FAM178B: variants seen among roughly 807,000 people sequenced by gnomAD.
FAM178B encodes the protein protein FAM178B.
Under a neutral mutation model 91.7 loss-of-function variants are expected in FAM178B, and 82 were observed. The ratio of observed to expected loss-of-function variants is 0.89; its 90% confidence interval spans 0.75 to 1.07. The LOEUF (loss-of-function observed/expected upper bound fraction) is 1.07. Ranked by LOEUF, FAM178B falls within the 50% of genes least tolerant of loss-of-function variation. The pLI is 0.00. For missense variants in FAM178B, 769 were observed against 846.7 expected, an observed-to-expected ratio of 0.91 and a Z score of 1.14; for synonymous variants, 368 against 359.4, an observed-to-expected ratio of 1.02 and a Z score of -0.27.
At chr2:96,926,341 T>C (rs1253193205) in intron 9 of FAM178B, among the ~76,000 whole-genome samples, 1 of 151,966 alleles carries the variant, frequency 6.6e-6, no homozygotes, top group Non-Finnish European at 1.5e-5. Context: ...CCAAGGCTTC[T>C]GGCACCAGGA....
At chr2:96,943,964 T>C (rs1389886390) in intron 8 of FAM178B, among the ~76,000 whole-genome samples, 1 of 152,054 alleles carries the variant, frequency 6.6e-6, no homozygotes. Context: ...ATATCCCAGC[T>C]GGGCGCGGTG....
chr2:96,902,839 C>A, intron 12 of FAM178B, 132 bp from the exon 13 acceptor site: 1 of 651,238 alleles, frequency 1.5e-6, no homozygotes, highest in Non-Finnish European at 2.9e-6. Context: ...AAAGGGCTTT[C>A]TCCATTGGCT....
rs150938649 is a variant in FAM178B, at chr2:96,891,021, T to C, written c.1776+2905A>G. 3.3e-5 allele frequency among the ~76,000 whole-genome samples: 5 copies of C among 152,348 alleles called. No individual in the cohort carries two copies. The East Asian group carries it at 5.8e-4, about 18-fold the overall frequency. ...GCTCTTCAAAATGCTAAAAACGTTATCAGCTCACTAAGCGGGATAGTCCAC... is the reference window on the plus strand; with the variant it reads ...GCTCTTCAAAATGCTAAAAACGTTACCAGCTCACTAAGCGGGATAGTCCAC... On this transcript the variant is annotated intron_variant, in intron 14 of 16. Coordinates refer to ENST00000490605, the MANE Select transcript of FAM178B (RefSeq NM_001122646.3).
intron 1 of FAM178B, among the ~76,000 whole-genome samples, chr2:96,984,235 G>A (rs576842668): frequency 3.9e-5 from 6 of 152,082 alleles, no homozygotes; most frequent in East Asian, 1.9e-4. Context: ...CTGGGATTAC[G>A]GGTGTGAGCC....
intron 8 of FAM178B, among the ~76,000 whole-genome samples, chr2:96,930,733 T>C (rs1460260897): frequency 6.6e-6 from 1 of 152,200 alleles, no homozygotes; most frequent in Non-Finnish European, 1.5e-5. Flanking sequence ...CCAAAGCTCA[T>C]ATGTTGAAAT....
chr2:96,927,066 T>C (rs1007970030), intron 9 of FAM178B, among the ~76,000 whole-genome samples: 3 of 152,178 alleles, frequency 2.0e-5, no homozygotes, highest in Non-Finnish European at 2.9e-5. Flanking sequence ...AGGGAGAAGA[T>C]AGCCTGCCGT....
intron 1 of FAM178B, among the ~76,000 whole-genome samples, chr2:96,980,489 T>C (rs935998480): frequency 1.3e-5 from 2 of 152,148 alleles, no homozygotes; most frequent in Admixed American, 1.3e-4. Context: ...CCTAGAACTC[T>C]TGGCCTCAAG....
At chr2:96,896,819 T>C (rs2080833314) in intron 13 of FAM178B, among the ~76,000 whole-genome samples, 1 of 152,164 alleles carries the variant, frequency 6.6e-6, no homozygotes, top group Non-Finnish European at 1.5e-5. Flanking sequence ...CAGCCGTTGC[T>C]CCACACCCAC....
intron 16 of FAM178B, 144 bp from the exon 17 acceptor site, chr2:96,876,452 A>T: frequency 9.7e-7 from 1 of 1,031,378 alleles, no homozygotes; most frequent in South Asian, 1.5e-5. Flanking sequence ...CTGGGTTCAC[A>T]CTACTGGCGA....
Position 96,905,838 on chromosome 2 carries a change from ATATATATATATATATATATATATTTTTTT to A in FAM178B, c.1563-3160_1563-3132del, listed in dbSNP as rs1417775964. Among the ~76,000 whole-genome samples the A allele has an allele frequency of 7.5e-4, 22 of 29,256 alleles. 1 individual carries two copies. The highest frequency in any genetic ancestry group is 1.7e-3 in the South Asian group (2 of 1,166). The allele number at this position is 29,256 out of a possible 152,430, so 19.2% of individuals were successfully genotyped here. On this transcript the variant is annotated intron_variant, in intron 12 of 16. Coordinates refer to ENST00000490605, the MANE Select transcript of FAM178B (RefSeq NM_001122646.3). ...TGTGTGTATATATATATATATATAT[ATATATATATATATATATATATATTTTTTT>A]TTTTTTTTTTTTTTTTTTTTTGAGA...
chr2:96,986,162 C>T (rs2082420715), intron 1 of FAM178B, 79 bp downstream of exon 1: 1 of 1,527,794 alleles, frequency 6.5e-7, no homozygotes, highest in East Asian at 2.5e-5. Context: ...CCTGGACCAG[C>T]CAGGAGTCCC....
At chr2:96,879,523 G>C (rs146676462) in intron 14 of FAM178B, among the ~76,000 whole-genome samples, 1 of 152,358 alleles carries the variant, frequency 6.6e-6, no homozygotes, top group East Asian at 1.9e-4. Context: ...CCACTTCTGA[G>C]GACATCAGAT....
At chr2:96,900,429 G>T (rs1399045847) in intron 13 of FAM178B, among the ~76,000 whole-genome samples, 1 of 152,182 alleles carries the variant, frequency 6.6e-6, no homozygotes, top group African/African-American at 2.4e-5. Context: ...CCTTCCCGGG[G>T]TGTGCCAGGC....
At chr2:96,935,707 C>T (rs1223136171) in intron 8 of FAM178B, among the ~76,000 whole-genome samples, 4 of 150,990 alleles carry the variant, frequency 2.6e-5, no homozygotes, top group Admixed American at 6.6e-5. Context: ...GATCTCGGCT[C>T]GCTGCAACCT....
intron 16 of FAM178B, among the ~76,000 whole-genome samples, chr2:96,876,540 CCTT>C (rs1205928773): frequency 2.0e-5 from 3 of 152,314 alleles, no homozygotes; most frequent in African/African-American, 7.2e-5. Flanking sequence ...AATCACTTTT[CCTT>C]CTTCTCGTGA....
At chr2:96,894,745 A>AC (rs1276546241) in intron 13 of FAM178B, among the ~76,000 whole-genome samples, 6 of 30,680 alleles carry the variant, frequency 2.0e-4, no homozygotes, top group Non-Finnish European at 1.8e-4. Flanking sequence ...ACACCCACTC[A>AC]CCCCCCCCAC....
At chr2:96,909,294 C>A (rs551838795) in intron 12 of FAM178B, among the ~76,000 whole-genome samples, 28 of 152,232 alleles carry the variant, frequency 1.8e-4, no homozygotes, top group African/African-American at 6.7e-4. Context: ...CCAAGACAGC[C>A]CAAATTCATT....
At position 96,876,064 on chromosome 2, in the gene FAM178B, C is replaced by G. The variant is rs898700524; in HGVS notation, c.*212G>C. 41 of 586,210 alleles carry G rather than the reference C, an allele frequency of 7.0e-5. 1 individual carries two copies. The South Asian group carries it at 7.5e-4, about 11-fold the overall frequency. 36.3% of individuals were successfully genotyped at this position (586,210 alleles called of 1,614,324 possible). On this transcript the variant is annotated 3_prime_UTR_variant, in exon 17 of 17. Coordinates refer to ENST00000490605, the MANE Select transcript of FAM178B (RefSeq NM_001122646.3). ...GTGGGCGAGGCAGAGAGGCCCATCC[C>G]TTGCTGAGAGGAGAGGGGGTCGGGG...
chr2:96,986,240 C>T lies in FAM178B; in HGVS notation c.73+1G>A, dbSNP rs558374637. The T allele has an allele frequency of 6.5e-7, 1 of 1,534,670 alleles. No homozygotes were observed. The highest frequency in any genetic ancestry group is 8.7e-7 in the Non-Finnish European group (1 of 1,146,800). On this transcript the variant is annotated splice_donor_variant, in intron 1 of 16. Transcript: ENST00000490605. LOFTEE classifies it high-confidence loss of function. Reference sequence around the variant, plus strand: ...CGGTTCCTCGGCCTCAGTTTCCTTACCTGTAAAATGGAGCCGCTGATCCTG... The same window carrying T: ...CGGTTCCTCGGCCTCAGTTTCCTTATCTGTAAAATGGAGCCGCTGATCCTG...
Sources: gnomAD v4.1 joint callset for allele counts (sites outside exome capture counted in the v4.1 genomes callset) on GRCh38, gnomAD v4.1.1 for gene constraint, MANE v1.5 for transcripts, NCBI Gene and HGNC (gene_info 2026-07-23, HGNC 2026-07-21) for gene names.